Variants in ELP4 observed in about 807,000 individuals in gnomAD.
ELP4 encodes elongator complex protein 4.
In ELP4, 51 loss-of-function variants were observed where a neutral mutation model predicts 48.9. That is an observed-to-expected ratio of 1.04 (90% CI 0.83 to 1.32). The LOEUF is 1.32. Ranked by LOEUF, ELP4 falls within the 40% of genes most tolerant of loss-of-function variation. The probability of loss-of-function intolerance (pLI) is 0.00; values close to 1 mark genes in which losing one functional copy is unlikely to be tolerated. For missense variants in ELP4, 519 were observed against 514.6 expected (o/e 1.01, Z -0.08); for synonymous variants, 210 against 189.2 (o/e 1.11, Z -0.90).
intron 7 of ELP4, chr11:31,632,730 AAT>A (rs1944889110): frequency 5.5e-6 from 1 of 183,344 alleles, no homozygotes. Flanking sequence ...TAAATTTTTT[AAT>A]GGTTAGTGGT....
chr11:31,655,069 C>G (rs1945400538), intron 9 of ELP4, among the ~76,000 whole-genome samples: 1 of 151,866 alleles, frequency 6.6e-6, no homozygotes, highest in South Asian at 2.1e-4. Context: ...AATCAGTTGT[C>G]AAAAATAAAC....
chr11:31,669,024 C>G (rs937875563), intron 9 of ELP4, among the ~76,000 whole-genome samples: 30 of 152,032 alleles, frequency 2.0e-4, no homozygotes, highest in African/African-American at 7.0e-4. Context: ...CAGCTTTACT[C>G]TCACTTGCAG....
intron 9 of ELP4, among the ~76,000 whole-genome samples, chr11:31,727,017 A>G (rs966066413): frequency 8.5e-5 from 13 of 152,170 alleles, no homozygotes; most frequent in African/African-American, 3.1e-4. Context: ...TTTATAATAA[A>G]AGGCCAAGAA....
chr11:31,778,468 T>A (rs944500026), intron 9 of ELP4, among the ~76,000 whole-genome samples: 6 of 152,268 alleles, frequency 3.9e-5, no homozygotes, highest in African/African-American at 1.4e-4. Flanking sequence ...TTGATTTCCT[T>A]GACCTAATAA....
At chr11:31,685,930 TAAA>T (rs58204467) in intron 9 of ELP4, among the ~76,000 whole-genome samples, 5 of 142,720 alleles carry the variant, frequency 3.5e-5, no homozygotes, top group Non-Finnish European at 6.1e-5. Flanking sequence ...GACTCCATCT[TAAA>T]AAAAAAAAAA....
At chr11:31,730,590 C>T (rs911372260) in intron 9 of ELP4, among the ~76,000 whole-genome samples, 1 of 152,184 alleles carries the variant, frequency 6.6e-6, no homozygotes, top group African/African-American at 2.4e-5. Context: ...GCCCAAGGGA[C>T]TGGCTTCTGT....
chr11:31,588,490 G>A (rs59739518), intron 3 of ELP4, among the ~76,000 whole-genome samples: 2 of 152,118 alleles, frequency 1.3e-5, no homozygotes, highest in African/African-American at 2.4e-5. Flanking sequence ...TTTGCTTGCC[G>A]GTATAATGGG....
intron 3 of ELP4, among the ~76,000 whole-genome samples, chr11:31,553,318 G>A (rs1304794455): frequency 2.6e-5 from 4 of 152,136 alleles, no homozygotes; most frequent in Non-Finnish European, 4.4e-5. Context: ...CTGTGAGAGT[G>A]TTTTGAAAGG....
chr11:31,574,354 G>C (rs1051532933), intron 3 of ELP4, among the ~76,000 whole-genome samples: 3 of 152,124 alleles, frequency 2.0e-5, no homozygotes. Flanking sequence ...CTCCACCTCT[G>C]GGGGCAGGGC....
chr11:31,755,088 G>A (rs1256834988), intron 9 of ELP4, among the ~76,000 whole-genome samples: 1 of 152,126 alleles, frequency 6.6e-6, no homozygotes, highest in Non-Finnish European at 1.5e-5. Flanking sequence ...AAAGAAAGAT[G>A]GATGGGGACA....
intron 3 of ELP4, among the ~76,000 whole-genome samples, chr11:31,574,329 G>C (rs1190720322): frequency 6.6e-6 from 1 of 152,152 alleles, no homozygotes; most frequent in Non-Finnish European, 1.5e-5. Context: ...AAGGAAACCT[G>C]CCTGCCTCTC....
At chr11:31,560,933 A>G (rs1957015307) in intron 3 of ELP4, among the ~76,000 whole-genome samples, 1 of 152,056 alleles carries the variant, frequency 6.6e-6, no homozygotes, top group Non-Finnish European at 1.5e-5. Context: ...ACAGGTTGGT[A>G]GCCTAGCAGC....
intron 4 of ELP4, chr11:31,599,517 A>ACG (rs1957740797): frequency 8.0e-5 from 1 of 12,574 alleles, no homozygotes; most frequent in Non-Finnish European, 1.1e-3. Flanking sequence ...ACACACACAC[A>ACG]CACACAAAAA....
intron 9 of ELP4, among the ~76,000 whole-genome samples, chr11:31,746,654 C>T (rs1010057250): frequency 3.9e-5 from 6 of 151,948 alleles, no homozygotes; most frequent in African/African-American, 1.5e-4. Context: ...AACCAAACAC[C>T]ACATGTTCTC....
chr11:31,560,757 T>TTGTTTTATATATATATA (rs2133941877), intron 3 of ELP4, among the ~76,000 whole-genome samples: 2 of 66,772 alleles, frequency 3.0e-5, no homozygotes, highest in Admixed American at 1.6e-4. Flanking sequence ...TATATATACG[T>TTGTTTTATATATATATA]ACAGTCATGT....
intron 7 of ELP4, among the ~76,000 whole-genome samples, chr11:31,635,155 C>CTTT (rs1944947310): frequency 6.6e-6 from 1 of 151,970 alleles, no homozygotes; most frequent in Admixed American, 6.6e-5. Flanking sequence ...CTTTTAAGAA[C>CTTT]TTTTAAAGTC....
chr11:31,549,070 G>T (rs369144652), intron 3 of ELP4, among the ~76,000 whole-genome samples: 4 of 151,992 alleles, frequency 2.6e-5, no homozygotes, highest in African/African-American at 9.7e-5. Flanking sequence ...CAGGACATAG[G>T]CATGGGCAAG....
chr11:31,537,934 G>T (rs1419706952), intron 2 of ELP4, among the ~76,000 whole-genome samples: 2 of 152,004 alleles, frequency 1.3e-5, no homozygotes, highest in African/African-American at 4.8e-5. Flanking sequence ...ATTTTTATTG[G>T]GATTCCATTA....
chr11:31,516,601 TC>T lies in ELP4; in HGVS notation c.224-3453del, dbSNP rs778343060. 6.8e-4 allele frequency among the ~76,000 whole-genome samples: 103 copies of T among 152,304 alleles called. 1 individual carries two copies. The highest frequency in any genetic ancestry group is 1.4e-3 in the South Asian group (7 of 4,828). On this transcript the variant is annotated intron_variant, in intron 1 of 9. Transcript: ENST00000640961. ...GCCATAACTTCCCATGCTCAATTGA[TC>T]CTCCTTCCACAGCTCCCCAAGTAGC...
Sources: gnomAD v4.1 joint callset for allele counts (sites outside exome capture counted in the v4.1 genomes callset) on GRCh38, gnomAD v4.1.1 for gene constraint, MANE v1.5 for transcripts, NCBI Gene and HGNC (gene_info 2026-07-23, HGNC 2026-07-21) for gene names.